DCC: variants seen among roughly 807,000 people sequenced by gnomAD.
DCC encodes the protein netrin receptor DCC.
DCC carries 58 observed loss-of-function variants against 172.5 expected under a neutral mutation model. That is an observed-to-expected ratio of 0.34 (90% CI 0.27 to 0.42). DCC has a LOEUF of 0.42. Among genes scored for constraint, DCC ranks in the 10% least tolerant of loss-of-function variants. The pLI is 1.00. For synonymous variants in DCC, 709 were observed against 644.5 expected, an observed-to-expected ratio of 1.10 and a Z score of -1.52; for missense variants, 1,740 against 1,791.0, an observed-to-expected ratio of 0.97 and a Z score of 0.51.
At chr18:52,384,014 A>C (rs1985694501) in intron 1 of DCC, among the ~76,000 whole-genome samples, 1 of 151,144 alleles carries the variant, frequency 6.6e-6, no homozygotes, top group Non-Finnish European at 1.5e-5. Context: ...TTTCTTACTT[A>C]AAATTTTGTT....
intron 1 of DCC, among the ~76,000 whole-genome samples, chr18:52,521,547 T>C (rs544628338): frequency 3.3e-5 from 5 of 152,248 alleles, no homozygotes; most frequent in Admixed American, 3.3e-4. Context: ...GCCATCACTT[T>C]GGGAGTTAGA....
chr18:52,846,608 A>AACACACAC (rs71175524), intron 2 of DCC, among the ~76,000 whole-genome samples: 11,601 of 130,296 alleles, frequency 0.089, 681 homozygotes, highest in Non-Finnish European at 0.1. Context: ...TGCCACTCCA[A>AACACACAC]ACACACACAC....
chr18:53,499,603 T>A (rs1172084381), intron 27 of DCC, 93 bp downstream of exon 27: 1 of 1,032,192 alleles, frequency 9.7e-7, no homozygotes, highest in African/African-American at 1.6e-5. Flanking sequence ...CTAGATGTCA[T>A]ATATCTTTTC....
chr18:52,955,308 C>T (rs115463446), intron 5 of DCC, among the ~76,000 whole-genome samples: 3,243 of 152,158 alleles, frequency 0.021, 60 homozygotes, highest in Admixed American at 0.039. Flanking sequence ...TCACATCATA[C>T]AGTATGTAGC....
chr18:52,979,417 T>C (rs1423958641), intron 5 of DCC, among the ~76,000 whole-genome samples: 3 of 152,188 alleles, frequency 2.0e-5, no homozygotes, highest in African/African-American at 7.2e-5. Flanking sequence ...GTGCAGGGCC[T>C]GCCCAGAGGA....
intron 5 of DCC, among the ~76,000 whole-genome samples, chr18:52,984,224 T>G (rs2041256955): frequency 6.6e-6 from 1 of 152,204 alleles, no homozygotes; most frequent in Admixed American, 6.5e-5. Flanking sequence ...TTGAGCTATT[T>G]TATAGTTTCA....
chr18:52,790,554 T>C (rs1291576352), intron 2 of DCC, among the ~76,000 whole-genome samples: 1 of 152,106 alleles, frequency 6.6e-6, no homozygotes, highest in African/African-American at 2.4e-5. Context: ...AAATTAACAT[T>C]TCCCAGGTTG....
chr18:52,655,995 T>TGTGCGTATATAC (rs2035237865), intron 1 of DCC, among the ~76,000 whole-genome samples: 1 of 145,810 alleles, frequency 6.9e-6, no homozygotes, highest in South Asian at 2.2e-4. Context: ...TGTATATATA[T>TGTGCGTATATAC]ATGTGCGTAT....
chr18:53,171,638 C>A (rs1272838112), intron 8 of DCC, among the ~76,000 whole-genome samples: 3 of 152,090 alleles, frequency 2.0e-5, no homozygotes, highest in Admixed American at 1.3e-4. Flanking sequence ...ATTTTCATTT[C>A]ATGATCTTGG....
intron 7 of DCC, among the ~76,000 whole-genome samples, chr18:53,079,725 G>A (rs1205576525): frequency 6.6e-6 from 1 of 152,136 alleles, no homozygotes; most frequent in African/African-American, 2.4e-5. Context: ...CTGAAGATGT[G>A]ACATCTGAGT....
intron 5 of DCC, among the ~76,000 whole-genome samples, chr18:53,024,039 C>T (rs1456842169): frequency 2.6e-5 from 4 of 152,114 alleles, no homozygotes; most frequent in Non-Finnish European, 4.4e-5. Context: ...GTAGAATCAA[C>T]AACTCTATAA....
At chr18:52,933,765 A>G (rs2145507674) in intron 5 of DCC, among the ~76,000 whole-genome samples, 1 of 152,194 alleles carries the variant, frequency 6.6e-6, no homozygotes, top group East Asian at 1.9e-4. Flanking sequence ...CTACAAGTGC[A>G]GTTTTGTTAC....
intron 5 of DCC, among the ~76,000 whole-genome samples, chr18:53,003,860 C>G (rs1413147860): frequency 6.6e-6 from 1 of 152,108 alleles, no homozygotes. Flanking sequence ...TCATATTTAA[C>G]CCATTCTGTG....
chr18:52,822,802 C>A (rs2038430633), intron 2 of DCC, among the ~76,000 whole-genome samples: 1 of 152,076 alleles, frequency 6.6e-6, no homozygotes, highest in Non-Finnish European at 1.5e-5. Context: ...AAGTTGTTTT[C>A]TTCAAGGAAT....
intron 2 of DCC, among the ~76,000 whole-genome samples, chr18:52,810,271 C>CA (rs2038169512): frequency 6.6e-6 from 1 of 152,042 alleles, no homozygotes; most frequent in Non-Finnish European, 1.5e-5. Flanking sequence ...GGAGGGGATC[C>CA]AAACCAGCAC....
intron 14 of DCC, among the ~76,000 whole-genome samples, chr18:53,324,853 T>A (rs976191599): frequency 3.9e-5 from 6 of 152,142 alleles, no homozygotes; most frequent in South Asian, 2.1e-4. Context: ...GAAGTATACA[T>A]TATTAGCCTT....
intron 3 of DCC, among the ~76,000 whole-genome samples, chr18:52,912,285 C>T (rs4401134): frequency 0.15 from 22,430 of 151,552 alleles, 2,140 homozygotes; most frequent in South Asian, 0.37. Flanking sequence ...AAGCACAATG[C>T]CTGTAACTTC....
At chr18:52,481,320 T>A (rs938238626) in intron 1 of DCC, among the ~76,000 whole-genome samples, 3 of 150,222 alleles carry the variant, frequency 2.0e-5, no homozygotes, top group Non-Finnish European at 4.5e-5. Context: ...GCTCACACAG[T>A]TGGCCACCTT....
chr18:53,475,857 C>G (rs554182140), intron 25 of DCC, among the ~76,000 whole-genome samples: 60 of 152,304 alleles, frequency 3.9e-4, no homozygotes, highest in African/African-American at 1.4e-3. Context: ...GGAAGAGCTG[C>G]AGACACTCAA....
Sources: allele counts gnomAD v4.1 joint callset (sites outside exome capture counted in the v4.1 genomes callset), GRCh38; gene constraint gnomAD v4.1.1; transcripts MANE v1.5; gene names NCBI Gene and HGNC (gene_info 2026-07-23, HGNC 2026-07-21).